The following PLD5 variants were observed in gnomAD, a reference collection of about 807,000 sequenced individuals.
PLD5 encodes the protein inactive phospholipase D5.
Under a neutral mutation model 61.1 loss-of-function variants are expected in PLD5, and 36 were observed. The ratio of observed to expected loss-of-function variants is 0.59; its 90% CI spans 0.45 to 0.78. The LOEUF (loss-of-function observed/expected upper bound fraction) is 0.78. Among genes scored for constraint, PLD5 ranks in the 30% least tolerant of loss-of-function variants. PLD5 has a pLI of 0.00. For synonymous variants in PLD5, 243 were observed against 242.8 expected, an observed-to-expected ratio of 1.00 and a Z score of -0.01; for missense variants, 515 against 644.4, an observed-to-expected ratio of 0.80 and a Z score of 2.17.
intron 4 of PLD5, among the ~76,000 whole-genome samples, chr1:242,260,474 T>G (rs955994541): frequency 3.3e-5 from 5 of 152,204 alleles, no homozygotes; most frequent in Non-Finnish European, 7.3e-5. Flanking sequence ...ACATCTCATT[T>G]AGCTTGTTTG....
At chr1:242,250,378 G>A (rs1485879212) in intron 4 of PLD5, among the ~76,000 whole-genome samples, 1 of 152,214 alleles carries the variant, frequency 6.6e-6, no homozygotes, top group Non-Finnish European at 1.5e-5. Context: ...TGCTCAGAGA[G>A]AGGGAAGCCC....
In PLD5 at chr1:242,335,613, T is replaced by C. The variant is rs145079342; in HGVS notation, c.326+12493A>G. On this transcript the variant is annotated intron_variant, in intron 2 of 9. Transcript: ENST00000536534. ...ATAGATGCTACATCTAGCCAAATGATTGAATATCTCAGACTGCAATATTTC... is the reference window on the plus strand; with the variant it reads ...ATAGATGCTACATCTAGCCAAATGACTGAATATCTCAGACTGCAATATTTC... 8.5e-5 allele frequency among the ~76,000 whole-genome samples: 13 copies of C among 152,330 alleles called. No individual in the cohort carries two copies. The East Asian group carries it at 1.2e-3, about 14-fold the overall frequency.
intron 3 of PLD5, 40 bp downstream of exon 3, chr1:242,288,322 C>T (rs1159227610): frequency 6.3e-7 from 1 of 1,587,950 alleles, no homozygotes; most frequent in East Asian, 2.2e-5. Context: ...GGAAAATGCA[C>T]ATAAGTAAAA....
chr1:242,423,419 T>C (rs1665251289), intron 1 of PLD5, among the ~76,000 whole-genome samples: 1 of 152,172 alleles, frequency 6.6e-6, no homozygotes, highest in African/African-American at 2.4e-5. Flanking sequence ...GATAGAATAC[T>C]GTGGCGAAAT....
intron 3 of PLD5, among the ~76,000 whole-genome samples, chr1:242,281,183 G>A (rs1333036294): frequency 2.6e-5 from 4 of 152,212 alleles, no homozygotes; most frequent in African/African-American, 7.2e-5. Context: ...CAAATGAATC[G>A]TAAGGATGGC....
rs528712106 is a variant in PLD5 at position 242,147,243 on chromosome 1, C to T, written c.736-22578G>A. ...TGTAGTTTGGCTTTCTTAAGAATGT[C>T]GTATAAACTGAGTCATGGAGTAGGT... On this transcript the variant is annotated intron_variant, in intron 5 of 9. Transcript: ENST00000536534. 1.1e-4 allele frequency among the ~76,000 whole-genome samples: 17 copies of T among 152,212 alleles called. No individual in the cohort carries two copies. The South Asian group carries it at 2.7e-3, about 24-fold the overall frequency.
rs962427245 is a variant in PLD5 at position 242,296,369 on chromosome 1, T to C, written c.327-7839A>G. On this transcript the variant is annotated intron_variant, in intron 2 of 9. Transcript: ENST00000536534. ...ATTGTTTCTTTTGCTGGACAAAAGC[T>C]CTTTAGTTTAATTAATTGCCATTAG... Among the ~76,000 whole-genome samples, 7 of 152,198 alleles carry C rather than the reference T, an allele frequency of 4.6e-5. No homozygotes were observed. The East Asian group carries it at 7.7e-4, about 17-fold the overall frequency.
At chr1:242,122,014 C>T (rs184636444) in intron 6 of PLD5, among the ~76,000 whole-genome samples, 1 of 152,088 alleles carries the variant, frequency 6.6e-6, no homozygotes, top group African/African-American at 2.4e-5. Flanking sequence ...GGGTGCAGCA[C>T]ACCAACATGG....
chr1:242,393,825 C>T (rs1379638255), intron 1 of PLD5, among the ~76,000 whole-genome samples: 3 of 147,626 alleles, frequency 2.0e-5, no homozygotes, highest in Non-Finnish European at 4.5e-5. Context: ...TTTGGGAGGC[C>T]GAGGCGGGTG....
chr1:242,353,014 GT>G (rs1236117103), intron 1 of PLD5, among the ~76,000 whole-genome samples: 6 of 152,146 alleles, frequency 3.9e-5, no homozygotes, highest in Admixed American at 3.9e-4. Context: ...TAATTCCTTT[GT>G]TTTAAATAAG....
intron 5 of PLD5, among the ~76,000 whole-genome samples, chr1:242,141,984 G>A (rs1345717153): frequency 2.0e-5 from 3 of 152,130 alleles, no homozygotes; most frequent in Admixed American, 2.0e-4. Context: ...TTCATTGACA[G>A]CTCATCCACT....
chr1:242,222,377 G>A (rs1439100357), intron 4 of PLD5, among the ~76,000 whole-genome samples: 1 of 152,118 alleles, frequency 6.6e-6, no homozygotes, highest in Non-Finnish European at 1.5e-5. Flanking sequence ...CAGCACTGAG[G>A]GAAGCACCTT....
intron 5 of PLD5, among the ~76,000 whole-genome samples, chr1:242,139,509 C>G (rs1394969629): frequency 6.6e-6 from 1 of 151,966 alleles, no homozygotes; most frequent in South Asian, 2.1e-4. Flanking sequence ...CAATGGGCAT[C>G]GGGGGTGATC....
chr1:242,163,150 TCTTTTC>T (rs1264969297), intron 5 of PLD5, among the ~76,000 whole-genome samples: 3 of 147,108 alleles, frequency 2.0e-5, no homozygotes, highest in African/African-American at 7.5e-5. Context: ...TTCTTTTCTT[TCTTTTC>T]TTGAGACGAC....
At chr1:242,381,687 T>C (rs75949318) in intron 1 of PLD5, among the ~76,000 whole-genome samples, 4,120 of 152,302 alleles carry the variant, frequency 0.027, 80 homozygotes, top group Non-Finnish European at 0.034. Flanking sequence ...TGGCTCCCAG[T>C]ATATTTAATA....
intron 8 of PLD5, among the ~76,000 whole-genome samples, chr1:242,103,264 C>T (rs1414628660): frequency 1.3e-5 from 2 of 152,200 alleles, no homozygotes; most frequent in African/African-American, 4.8e-5. Flanking sequence ...TTCCCCAGCG[C>T]ACACCTGCAG....
the PLD5 span, among the ~76,000 whole-genome samples, chr1:242,529,724 G>A: frequency 6.6e-6 from 1 of 152,056 alleles, no homozygotes; most frequent in South Asian, 2.1e-4. Flanking sequence ...ATACTGTGAG[G>A]TCGAGGGTCC....
chr1:242,446,641 G>A lies in PLD5; in HGVS notation c.189+77447C>T, dbSNP rs1016331559. Among the ~76,000 whole-genome samples, 14 of 152,148 alleles carry A rather than the reference G, an allele frequency of 9.2e-5. 1 individual carries two copies. The highest frequency in any genetic ancestry group is 1.5e-5 in the Non-Finnish European group (1 of 68,022). ...CTTTATATCCTCTTTCCACACATTG[G>A]ACCGTCTCCCAGTTAGACACAGCTG... On this transcript the variant is annotated intron_variant, in intron 1 of 9. Coordinates refer to ENST00000536534, the MANE Select transcript of PLD5 (RefSeq NM_001372062.1).
At chr1:242,509,310 T>G (rs1668829400) in intron 1 of PLD5, among the ~76,000 whole-genome samples, 1 of 151,818 alleles carries the variant, frequency 6.6e-6, no homozygotes, top group Non-Finnish European at 1.5e-5. Flanking sequence ...ACCCAGGAGG[T>G]GGAGGTTTCA....
Sources: allele counts gnomAD v4.1 joint callset (sites outside exome capture counted in the v4.1 genomes callset), GRCh38; gene constraint gnomAD v4.1.1; transcripts MANE v1.5; gene names NCBI Gene and HGNC (gene_info 2026-07-23, HGNC 2026-07-21).